Variants in KCNT2 observed in about 807,000 individuals in gnomAD.
KCNT2 encodes the protein potassium channel subfamily T member 2.
A neutral mutation model predicts 153.8 loss-of-function variants in KCNT2; 67 were observed. The observed-to-expected ratio is 0.44, with a 90% confidence interval of 0.36 to 0.53. The LOEUF (loss-of-function observed/expected upper bound fraction) is 0.53, where lower values mean the gene tolerates loss of function less well. KCNT2 is among the 20% of genes least tolerant of loss of function. The pLI is 0.00. For missense variants in KCNT2, 975 were observed against 1,354.8 expected (o/e 0.72, Z 4.40); for synonymous variants, 500 against 458.8 (o/e 1.09, Z -1.15).
At chr1:196,552,192 TAATA>T (rs1658003251) in intron 1 of KCNT2, among the ~76,000 whole-genome samples, 1 of 151,378 alleles carries the variant, frequency 6.6e-6, no homozygotes, top group African/African-American at 2.4e-5. Flanking sequence ...CAATGGGAAA[TAATA>T]AACAACAGTC....
intron 22 of KCNT2, among the ~76,000 whole-genome samples, chr1:196,300,850 G>A (rs1181382747): frequency 6.6e-6 from 1 of 152,038 alleles, no homozygotes; most frequent in African/African-American, 2.4e-5. Context: ...CCCTATTGGA[G>A]CTCAGAAACT....
At position 196,334,078 on chromosome 1, in the gene KCNT2, G is replaced by A. The variant is rs776069981; in HGVS notation, c.1784-18C>T. On this transcript the variant is annotated intron_variant, in intron 16 of 27. Coordinates refer to ENST00000294725, the MANE Select transcript of KCNT2 (RefSeq NM_198503.5). ...CACAGTACCTAAAACAATAAAACAT[G>A]AAAATTTATCAAGGCGTTTGCCATA... 1.3e-6 allele frequency: 2 copies of A among 1,582,080 alleles called. No homozygotes were observed. Among genetic ancestry groups the A allele is most frequent in the Non-Finnish European group, 8.7e-7 (1 of 1,152,568 alleles).
chr1:196,342,998 T>C (rs1235338475), intron 14 of KCNT2: 1 of 152,174 alleles, frequency 6.6e-6, no homozygotes, highest in Non-Finnish European at 1.5e-5. Context: ...TAAAGAGCTA[T>C]CTTCCCGCCA....
intron 8 of KCNT2, among the ~76,000 whole-genome samples, chr1:196,439,983 C>T (rs1675082137): frequency 6.6e-6 from 1 of 151,836 alleles, no homozygotes; most frequent in Admixed American, 6.6e-5. Context: ...GTGCAGCAAA[C>T]CACCATGGCA....
At chr1:196,552,847 CAGTTTAAAATATTG>C (rs1443190466) in intron 1 of KCNT2, among the ~76,000 whole-genome samples, 6 of 151,120 alleles carry the variant, frequency 4.0e-5, no homozygotes, top group Admixed American at 3.3e-4. Context: ...AAGTTGTCAG[CAGTTTAAAATATTG>C]GGTTTAAGAT....
intron 13 of KCNT2, among the ~76,000 whole-genome samples, chr1:196,384,484 G>C (rs1245035318): frequency 6.6e-6 from 1 of 152,052 alleles, no homozygotes; most frequent in Non-Finnish European, 1.5e-5. Flanking sequence ...TTGAGGTCAG[G>C]AGTTCGAAAC....
chr1:196,379,861 C>G (rs1200250270), intron 13 of KCNT2, among the ~76,000 whole-genome samples: 3 of 152,000 alleles, frequency 2.0e-5, no homozygotes, highest in Non-Finnish European at 4.4e-5. Context: ...GTAGTGTTTA[C>G]CTCATAGAAT....
At chr1:196,393,747 G>A (rs113562254) in intron 13 of KCNT2, among the ~76,000 whole-genome samples, 8,732 of 151,426 alleles carry the variant, frequency 0.058, 393 homozygotes, top group Non-Finnish European at 0.085. Flanking sequence ...ATCGTGGTTT[G>A]CAACTGAGGA....
chr1:196,587,479 A>C (rs1290083774), intron 1 of KCNT2, among the ~76,000 whole-genome samples: 2 of 152,032 alleles, frequency 1.3e-5, no homozygotes, highest in Non-Finnish European at 2.9e-5. Flanking sequence ...TATATTATTT[A>C]ATTGCTACCA....
At chr1:196,469,943 T>C (rs1347301682) in intron 5 of KCNT2, among the ~76,000 whole-genome samples, 2 of 152,160 alleles carry the variant, frequency 1.3e-5, no homozygotes, top group South Asian at 2.1e-4. Context: ...GACTATAAAA[T>C]TGGGACTCTT....
chr1:196,384,490 G>A (rs899795020), intron 13 of KCNT2, among the ~76,000 whole-genome samples: 4 of 151,980 alleles, frequency 2.6e-5, no homozygotes, highest in African/African-American at 7.3e-5. Flanking sequence ...TCAGGAGTTC[G>A]AAACCAGCTT....
In KCNT2 at chr1:196,280,922, A is replaced by T. The variant is rs1175164646; in HGVS notation, c.2848T>A (p.Ser950Thr). 2 of 1,611,010 alleles carry T rather than the reference A, an allele frequency of 1.2e-6. No homozygotes were observed. Residue 950 changes from serine (S) to threonine (T), a missense_variant, in exon 25 of 28, where the codon TCT becomes ACT. Physicochemically the swap from Ser to Thr is moderately conservative, Grantham distance 58. Transcript: ENST00000294725. ...YARLYQKLCS[S>T]TGDVPIGIYR... ...ATTCCAATGGGAACATCTCCAGTAG[A>T]AGAACACAACTTCTGATAAAGTCTG...
intron 12 of KCNT2, among the ~76,000 whole-genome samples, chr1:196,410,579 A>C (rs1253033474): frequency 6.6e-6 from 1 of 151,516 alleles, no homozygotes; most frequent in Non-Finnish European, 1.5e-5. Context: ...AAAATAAATA[A>C]ATAAATAAAA....
chr1:196,410,560 A>T (rs1412738614), intron 12 of KCNT2, among the ~76,000 whole-genome samples: 2 of 150,840 alleles, frequency 1.3e-5, no homozygotes, highest in African/African-American at 2.4e-5. Flanking sequence ...TAAAACTTAA[A>T]GTATAATAAA....
chr1:196,357,954 T>G (rs1427523711), intron 14 of KCNT2, among the ~76,000 whole-genome samples: 2 of 151,924 alleles, frequency 1.3e-5, no homozygotes, highest in Non-Finnish European at 2.9e-5. Flanking sequence ...ATCATTAGTG[T>G]TTTTATAATT....
intron 1 of KCNT2, among the ~76,000 whole-genome samples, chr1:196,585,766 G>C (rs975520958): frequency 2.6e-5 from 4 of 152,050 alleles, no homozygotes; most frequent in Non-Finnish European, 4.4e-5. Flanking sequence ...CTTGGACATA[G>C]TCTTAGCAAT....
intron 22 of KCNT2, among the ~76,000 whole-genome samples, chr1:196,291,246 C>T (rs1660155597): frequency 6.6e-6 from 1 of 151,676 alleles, no homozygotes; most frequent in Non-Finnish European, 1.5e-5. Context: ...TCTATGAAAT[C>T]CTTTCGTACA....
intron 12 of KCNT2, among the ~76,000 whole-genome samples, chr1:196,399,240 G>A (rs143975610): frequency 1.3e-5 from 2 of 151,438 alleles, no homozygotes; most frequent in African/African-American, 2.4e-5. Flanking sequence ...TGCTTAACAC[G>A]AACTCCTTTA....
chr1:196,532,159 T>C (rs1248294388), intron 1 of KCNT2, among the ~76,000 whole-genome samples: 1 of 152,060 alleles, frequency 6.6e-6, no homozygotes, highest in Non-Finnish European at 1.5e-5. Context: ...GAAATAATAC[T>C]CTGATTTAAA....
Sources: allele counts gnomAD v4.1 joint callset (sites outside exome capture counted in the v4.1 genomes callset), GRCh38; gene constraint gnomAD v4.1.1; transcripts MANE v1.5; gene names NCBI Gene and HGNC (gene_info 2026-07-23, HGNC 2026-07-21).